The following TRPM2 variants were observed in gnomAD, a reference collection of about 807,000 sequenced individuals.
The protein encoded by TRPM2 is estrogen-responsive element-associated gene 1 protein.
Under a neutral mutation model 174.0 loss-of-function variants are expected in TRPM2, and 161 were observed. The ratio of observed to expected loss-of-function variants is 0.93; its 90% CI spans 0.81 to 1.05. The LOEUF is 1.05. TRPM2 is among the 50% of genes least tolerant of loss of function. TRPM2 has a pLI of 0.00. For missense variants in TRPM2, 2,057 were observed against 2,038.0 expected, an observed-to-expected ratio of 1.01 and a Z score of -0.18; for synonymous variants, 954 against 861.3, an observed-to-expected ratio of 1.11 and a Z score of -1.88.
At position 44,405,232 on chromosome 21, in the gene TRPM2, T is replaced by C. The variant is rs1006330713; in HGVS notation, c.2629T>C (p.Leu877=). The change falls in exon 17 of 32, where the codon TTG becomes CTG. Residue 877 remains leucine (L), a synonymous_variant. Coordinates refer to ENST00000397928, the MANE Select transcript of TRPM2 (RefSeq NM_003307.4). Reference sequence around the variant, plus strand: ...GAATAAGCTGGACGTCGGCGCAATCTTGCTCTTCGTGGCAGGGCTGACCTG... The same window carrying C: ...GAATAAGCTGGACGTCGGCGCAATCCTGCTCTTCGTGGCAGGGCTGACCTG... The part of the protein sequence containing the change: ...FWNKLDVGAI[L]LFVAGLTCRL... 19 of 1,613,334 alleles carry C rather than the reference T, an allele frequency of 1.2e-5. No individual in the cohort carries two copies. Among genetic ancestry groups the C allele is most frequent in the Non-Finnish European group, 1.5e-5 (18 of 1,179,948 alleles).
At chr21:44,409,417 G>A (rs911664557) in intron 19 of TRPM2, among the ~76,000 whole-genome samples, 8 of 149,544 alleles carry the variant, frequency 5.3e-5, no homozygotes, top group Non-Finnish European at 1.1e-4. Flanking sequence ...TATTTCTAGA[G>A]TCTCAGTTTG....
intron 19 of TRPM2, 109 bp from the exon 20 acceptor site, chr21:44,413,782 C>G: frequency 2.3e-6 from 3 of 1,294,102 alleles, no homozygotes; most frequent in Non-Finnish European, 3.3e-6. Context: ...CAGCATCAGG[C>G]CTGCGGGGGA....
intron 11 of TRPM2, 71 bp from the exon 12 acceptor site, chr21:44,395,343 T>C: frequency 6.4e-7 from 1 of 1,568,460 alleles, no homozygotes; most frequent in African/African-American, 1.3e-5. Context: ...GGCCTGCACC[T>C]CTGACAGGCT....
chr21:44,391,016 G>T lies in TRPM2; in HGVS notation c.1431G>T (p.Trp477Cys). Residue 477 changes from tryptophan (W) to cysteine (C), a missense_variant, in exon 10 of 32, where the codon TGG becomes TGT. Trp to Cys is a radical substitution (Grantham distance 215). Coordinates refer to ENST00000397928, the MANE Select transcript of TRPM2 (RefSeq NM_003307.4). The surrounding 1 kb of genome is among the most constrained non-coding windows in gnomAD (Gnocchi z 5.0). Reference sequence around the variant, plus strand: ...GCAGTGAGATCTTCATGGATGAGTGGCAGTGGAAGGTAAGTCTTCCAGAGC... The same window carrying T: ...GCAGTGAGATCTTCATGGATGAGTGTCAGTGGAAGGTAAGTCTTCCAGAGC... ...IARSEIFMDE[W>C]QWKPSDLHPT... 2 of 1,613,988 alleles carry T rather than the reference G, an allele frequency of 1.2e-6. No homozygotes were observed. Among genetic ancestry groups the T allele is most frequent in the Non-Finnish European group, 1.7e-6 (2 of 1,180,036 alleles).
intron 11 of TRPM2, among the ~76,000 whole-genome samples, chr21:44,394,695 A>G (rs975733915): frequency 6.6e-6 from 1 of 152,040 alleles, no homozygotes; most frequent in Non-Finnish European, 1.5e-5. Context: ...CTCAGTTGGA[A>G]TATGCTTAGG....
rs1602191060 is a variant in TRPM2 at position 44,388,257 on chromosome 21, C to T, written c.1319-2647C>T. ...AAGGAAATTCTGACACATGCTGCAACATGGTTGAACCCTTAAGACATTATG... is the reference window on the plus strand; with the variant it reads ...AAGGAAATTCTGACACATGCTGCAATATGGTTGAACCCTTAAGACATTATG... On this transcript the variant is annotated intron_variant, in intron 9 of 31. Transcript: ENST00000397928. Among the ~76,000 whole-genome samples, 3 of 152,182 alleles carry T rather than the reference C, an allele frequency of 2.0e-5. No homozygotes were observed. The South Asian group carries it at 6.2e-4, about 31-fold the overall frequency.
At chr21:44,370,026 G>T (rs908008332) in intron 5 of TRPM2, among the ~76,000 whole-genome samples, 8 of 151,994 alleles carry the variant, frequency 5.3e-5, no homozygotes, top group Admixed American at 5.2e-4. Flanking sequence ...GTGTGCGGGG[G>T]AGGCGGGCAC....
At position 44,399,486 on chromosome 21, in the gene TRPM2, CTGCAGGGCGGACACAGCCTCCTGTTCG is replaced by C; in HGVS notation, c.2208+51_2208+77del. 1 of 1,580,652 alleles carries C rather than the reference CTGCAGGGCGGACACAGCCTCCTGTTCG, an allele frequency of 6.3e-7. No individual in the cohort carries two copies. Among genetic ancestry groups the C allele is most frequent in the South Asian group, 1.2e-5 (1 of 86,948 alleles). On this transcript the variant is annotated intron_variant, in intron 14 of 31. Coordinates refer to ENST00000397928, the MANE Select transcript of TRPM2 (RefSeq NM_003307.4). The surrounding 1 kb of genome is among the most constrained non-coding windows in gnomAD (Gnocchi z 4.6). ...TTCCAGAAACAGACGCCTGTGGTGC[CTGCAGGGCGGACACAGCCTCCTGTTCG>C]TGCAGTTGGCACGCACACTCACACA...
chr21:44,439,316 C>A lies in TRPM2; in HGVS notation c.4269+148C>A. ...AGGTGACGGTGGTCCCAGCCCCTGC[C>A]CCCACGTTGCACAGCTCCCAGAGGA... is the stretch of plus-strand genomic sequence containing the variant. On this transcript the variant is annotated intron_variant, in intron 30 of 31. Transcript: ENST00000397928. The surrounding 1 kb of genome is among the most constrained non-coding windows in gnomAD (Gnocchi z 5.1). 1 of 673,388 alleles carries A rather than the reference C, an allele frequency of 1.5e-6. No homozygotes were observed. 41.7% of individuals were successfully genotyped at this position (673,388 alleles called of 1,614,324 possible). A position where few individuals can be genotyped will look rare whatever the true frequency, so the allele number is the denominator to read the frequency against.
chr21:44,362,894 G>A (rs548966784), intron 2 of TRPM2, among the ~76,000 whole-genome samples: 2 of 151,874 alleles, frequency 1.3e-5, no homozygotes, highest in Admixed American at 1.3e-4. Context: ...CTGCCTCAGC[G>A]TCCCGAGTGG....
intron 19 of TRPM2, among the ~76,000 whole-genome samples, chr21:44,408,863 G>A (rs1248903442): frequency 7.2e-5 from 11 of 151,864 alleles, no homozygotes; most frequent in Admixed American, 5.3e-4. Flanking sequence ...TCACCATGTT[G>A]GCCAGGCTGG....
chr21:44,353,801 G>C lies in TRPM2; in HGVS notation c.101G>C (p.Arg34Pro). The C allele has an allele frequency of 6.2e-7, 1 of 1,602,122 alleles. No individual in the cohort carries two copies. The highest frequency in any genetic ancestry group is 8.5e-7 in the Non-Finnish European group (1 of 1,175,048). ...VTDLGMVSNL[R>P]RSNSSLFKSW... ...GACCTGGGGATGGTCTCCAATCTCC[G>C]GCGCAGCAACAGCAGCCTCTTCAAG... is the stretch of plus-strand genomic sequence containing the variant. Residue 34 changes from arginine (R) to proline (P), a missense_variant, in exon 1 of 32, where the codon CGG (arginine) becomes CCG (proline). Physicochemically the swap from Arg to Pro is moderately radical, Grantham distance 103. Transcript: ENST00000397928.
Position 44,353,787 on chromosome 21 carries a change from G to T in TRPM2, c.87G>T (p.Met29Ile). ...CCAGAAGGGTCACTGACCTGGGGAT[G>T]GTCTCCAATCTCCGGCGCAGCAACA... ...GLPRRVTDLGMVSNLRRSNSS... is the reference protein window; with the variant it reads ...GLPRRVTDLGIVSNLRRSNSS... The change falls in exon 1 of 32, where the codon ATG (methionine) becomes ATT (isoleucine). Residue 29 changes from methionine to isoleucine, a missense_variant. Coordinates refer to ENST00000397928, the MANE Select transcript of TRPM2 (RefSeq NM_003307.4). 1 of 1,604,408 alleles carries T rather than the reference G, an allele frequency of 6.2e-7. No homozygotes were observed. Among genetic ancestry groups the T allele is most frequent in the Non-Finnish European group, 8.5e-7 (1 of 1,176,118 alleles).
chr21:44,417,514 GCT>G (rs1240547708), intron 20 of TRPM2, among the ~76,000 whole-genome samples: 1 of 103,690 alleles, frequency 9.6e-6, no homozygotes, highest in South Asian at 4.1e-4. Flanking sequence ...GCGTGGCTCT[GCT>G]CTCTGTGGCA....
chr21:44,366,328 T>C lies in TRPM2; in HGVS notation c.424-426T>C, dbSNP rs543178921. Among the ~76,000 whole-genome samples the C allele has an allele frequency of 2.0e-4, 30 of 150,790 alleles. No individual in the cohort carries two copies. Among genetic ancestry groups the C allele is most frequent in the Non-Finnish European group, 3.5e-4 (24 of 67,772 alleles). The stretch of plus-strand genomic sequence containing the variant: ...GGAGAGGGGACAGGAGAGGGGGCAG[T>C]GCTGGGTGCACAAGGACAGAAGGGC... On this transcript the variant is annotated intron_variant, in intron 3 of 31. Transcript: ENST00000397928. The surrounding 1 kb of genome is among the most constrained non-coding windows in gnomAD (Gnocchi z 6.0).
At chr21:44,431,659 G>A (rs963433792) in intron 27 of TRPM2, among the ~76,000 whole-genome samples, 1 of 152,120 alleles carries the variant, frequency 6.6e-6, no homozygotes, top group Non-Finnish European at 1.5e-5. Flanking sequence ...TGTATTTTTA[G>A]TAGAGATGGG....
intron 16 of TRPM2, 28 bp downstream of exon 16, chr21:44,401,925 C>T (rs1216858905): frequency 1.2e-6 from 2 of 1,612,684 alleles, no homozygotes; most frequent in Non-Finnish European, 8.5e-7. Context: ...TTTCCACGCC[C>T]CAGCCCGGGG....
chr21:44,379,331 G>A, intron 8 of TRPM2, 134 bp downstream of exon 8: 3 of 1,044,486 alleles, frequency 2.9e-6, no homozygotes, highest in Admixed American at 4.3e-5. Context: ...AGAGCGATTT[G>A]CAGAGGGCAG....
At chr21:44,350,678 C>T (rs1159635117), upstream of TRPM2, among the ~76,000 whole-genome samples, 3 of 21,790 alleles carry the variant, frequency 1.4e-4, no homozygotes, top group Non-Finnish European at 2.7e-4. Context: ...CGGTGGGGTG[C>T]AGGGGCGGGC....
Sources: allele counts gnomAD v4.1 joint callset (sites outside exome capture counted in the v4.1 genomes callset), GRCh38; gene constraint gnomAD v4.1.1; non-coding constraint Gnocchi (gnomAD v3.1); transcripts MANE v1.5; gene names NCBI Gene and HGNC (gene_info 2026-07-23, HGNC 2026-07-21).